Variants in KIAA1671 observed in about 807,000 individuals in gnomAD.
The protein encoded by KIAA1671 is uncharacterized protein KIAA1671.
In KIAA1671, 52 loss-of-function variants were observed where a neutral mutation model predicts 131.2. That is an observed-to-expected ratio of 0.40 (90% CI 0.32 to 0.50). The LOEUF (loss-of-function observed/expected upper bound fraction) is 0.50, where lower values mean the gene tolerates loss of function less well. KIAA1671 is among the 20% of genes least tolerant of loss of function. The pLI, the probability that KIAA1671 is intolerant of heterozygous loss-of-function variation, is 0.73. For missense variants in KIAA1671, 2,360 were observed against 2,364.2 expected (o/e 1.00, Z 0.04); for synonymous variants, 1,003 against 961.6 (o/e 1.04, Z -0.80).
At position 25,041,294 on chromosome 22, in the gene KIAA1671, G is replaced by A; in HGVS notation, c.4164G>A (p.Val1388=). 2 of 1,551,764 alleles carry A rather than the reference G, an allele frequency of 1.3e-6. No homozygotes were observed. The highest frequency in any genetic ancestry group is 1.7e-6 in the Non-Finnish European group (2 of 1,147,010). ...KSTGRGEEDS[V]AQWGDHPRDC... ...CCGGGCGGGGAGAGGAGGACAGTGTGGCCCAGTGGGGTGACCACCCACGTG... is the reference window on the plus strand; with the variant it reads ...CCGGGCGGGGAGAGGAGGACAGTGTAGCCCAGTGGGGTGACCACCCACGTG... The change falls in exon 5 of 13, where the codon GTG becomes GTA. Residue 1388 remains valine, a synonymous_variant. Coordinates refer to ENST00000358431, the MANE Select transcript of KIAA1671 (RefSeq NM_001145206.2).
At chr22:25,122,628 C>G (rs893844734) in intron 6 of KIAA1671, among the ~76,000 whole-genome samples, 2 of 152,144 alleles carry the variant, frequency 1.3e-5, no homozygotes, top group African/African-American at 4.8e-5. Flanking sequence ...AGCCAAGAAC[C>G]CTCATGGACT....
chr22:25,060,972 T>G (rs1569494), intron 6 of KIAA1671: 1 of 152,128 alleles, frequency 6.6e-6, no homozygotes, highest in Non-Finnish European at 1.5e-5. Context: ...TCTGTCCCCA[T>G]TGGGCCCCAT....
At chr22:25,106,443 AG>A (rs1280936931) in intron 6 of KIAA1671, among the ~76,000 whole-genome samples, 2 of 152,202 alleles carry the variant, frequency 1.3e-5, no homozygotes, top group African/African-American at 4.8e-5. Flanking sequence ...CTTCTAGAAA[AG>A]GGGATCTTAG....
At chr22:25,004,648 G>A (rs1924646324) in intron 1 of KIAA1671, among the ~76,000 whole-genome samples, 1 of 152,026 alleles carries the variant, frequency 6.6e-6, no homozygotes, top group African/African-American at 2.4e-5. Context: ...ACTGCTTTTA[G>A]CTAAAAGTGT....
chr22:25,148,281 A>G (rs1273152123), intron 6 of KIAA1671, among the ~76,000 whole-genome samples: 1 of 81,900 alleles, frequency 1.2e-5, no homozygotes. Context: ...GCCCTCCCTC[A>G]GTCCCAGCCC....
chr22:25,157,825 A>ATT (rs113708745), intron 6 of KIAA1671, among the ~76,000 whole-genome samples: 3 of 138,196 alleles, frequency 2.2e-5, no homozygotes, highest in African/African-American at 5.3e-5. Flanking sequence ...TGTTCTTTTT[A>ATT]TTTTTTTTTT....
chr22:25,112,232 A>T (rs760033813), intron 6 of KIAA1671: 16 of 398,842 alleles, frequency 4.0e-5, no homozygotes, highest in Middle Eastern at 6.2e-4. Context: ...GACCCAGTGG[A>T]TGGGCACCGT....
chr22:25,042,471 T>G (rs942484953), intron 5 of KIAA1671, among the ~76,000 whole-genome samples: 1 of 146,544 alleles, frequency 6.8e-6, no homozygotes, highest in Admixed American at 6.8e-5. Flanking sequence ...TTGTTTTTTT[T>G]TTTTTTTTTT....
At chr22:25,021,713 G>C (rs1219498757) in intron 1 of KIAA1671, among the ~76,000 whole-genome samples, 3 of 152,094 alleles carry the variant, frequency 2.0e-5, no homozygotes, top group African/African-American at 7.2e-5. Context: ...CCTTTCTGGA[G>C]GACAGACCTC....
rs1298489291 is a variant in KIAA1671, at chr22:25,192,928, T to C, written c.*527T>C. ...CGCTGGGTTGAGGTTTTCTATTCTTTTTTTTTGGTGAGTTCCTTCTTCCCC... is the reference window on the plus strand; with the variant it reads ...CGCTGGGTTGAGGTTTTCTATTCTTCTTTTTTGGTGAGTTCCTTCTTCCCC... On this transcript the variant is annotated 3_prime_UTR_variant, in exon 13 of 13. Transcript: ENST00000358431. The C allele has an allele frequency of 6.6e-6, 1 of 152,206 alleles. No individual in the cohort carries two copies. Among genetic ancestry groups the C allele is most frequent in the African/African-American group, 2.4e-5 (1 of 41,460 alleles). The allele number at this position is 152,206 out of a possible 1,614,324, so 9.4% of individuals were successfully genotyped here. A position where few individuals can be genotyped will look rare whatever the true frequency, so the allele number is the denominator to read the frequency against.
chr22:25,093,748 C>CTCTTTCTCTCTCTCTCTCTCTCTG (rs1930184675), intron 6 of KIAA1671, among the ~76,000 whole-genome samples: 5 of 111,414 alleles, frequency 4.5e-5, no homozygotes, highest in Admixed American at 8.7e-5. Context: ...CTCTCTCTCT[C>CTCTTTCTCTCTCTCTCTCTCTCTG]TCTCTCTCTC....
At chr22:25,088,515 T>G (rs1270743401) in intron 6 of KIAA1671, among the ~76,000 whole-genome samples, 2 of 152,090 alleles carry the variant, frequency 1.3e-5, no homozygotes, top group Non-Finnish European at 2.9e-5. Flanking sequence ...AAGGAAGGGG[T>G]GACAGACACA....
At chr22:25,054,302 TC>T (rs1927722406) in intron 6 of KIAA1671, 1 of 149,414 alleles carries the variant, frequency 6.7e-6, no homozygotes, top group African/African-American at 2.5e-5. Context: ...TAGCTAATTT[TC>T]TTTTTTTTTC....
rs777081739 is a variant in KIAA1671, at chr22:25,170,885, C to T, written c.4596C>T (p.His1532=). ...TEPKDTDTLV[H]EAGSQYGTWT... ...CCAAGGACACTGACACCCTCGTGCA[C>T]GAAGCCGGCAGCCAGTATGGGACGT... Residue 1532 remains histidine (H), a synonymous_variant, in exon 7 of 13, where the codon CAC becomes CAT. Transcript: ENST00000358431. The T allele has an allele frequency of 1.5e-5, 23 of 1,551,524 alleles. No individual in the cohort carries two copies. The highest frequency in any genetic ancestry group is 1.7e-4 in the Middle Eastern group (1 of 6,014).
chr22:25,140,647 C>T (rs1259977086), intron 6 of KIAA1671, among the ~76,000 whole-genome samples: 2 of 152,176 alleles, frequency 1.3e-5, no homozygotes, highest in East Asian at 1.9e-4. Flanking sequence ...GGAGGGGCAC[C>T]TCGGGGTCTG....
rs1924051033 is a variant in KIAA1671, at chr22:24,995,142, C to T, written c.-207-30491C>T. Among the ~76,000 whole-genome samples the T allele has an allele frequency of 2.0e-5, 3 of 151,546 alleles. No individual in the cohort carries two copies. The South Asian group carries it at 6.3e-4, about 32-fold the overall frequency. On this transcript the variant is annotated intron_variant, in intron 1 of 12. Transcript: ENST00000358431. ...CTCAGCTCACTGCAAGCTCCGCCTC[C>T]CGGGTTCACGCCATTCTCCTGCCTC...
chr22:25,105,333 T>C (rs1601318422), intron 6 of KIAA1671, among the ~76,000 whole-genome samples: 1 of 152,310 alleles, frequency 6.6e-6, no homozygotes, highest in East Asian at 1.9e-4. Flanking sequence ...ATTTTCTGAT[T>C]TCTGAAATCA....
At chr22:24,993,271 G>A (rs190631653) in intron 1 of KIAA1671, among the ~76,000 whole-genome samples, 4 of 152,244 alleles carry the variant, frequency 2.6e-5, no homozygotes, top group Admixed American at 2.0e-4. Flanking sequence ...GGTGAGGAAG[G>A]TGATTCTGGG....
chr22:25,016,005 C>G (rs1925294151), intron 1 of KIAA1671, among the ~76,000 whole-genome samples: 1 of 146,738 alleles, frequency 6.8e-6, no homozygotes, highest in African/African-American at 2.6e-5. Context: ...TTTAAGGAAT[C>G]ACAGGGGCTT....
Sources: gnomAD v4.1 joint callset for allele counts (sites outside exome capture counted in the v4.1 genomes callset) on GRCh38, gnomAD v4.1.1 for gene constraint, MANE v1.5 for transcripts, NCBI Gene and HGNC (gene_info 2026-07-23, HGNC 2026-07-21) for gene names.